Variants in CSMD3 observed in about 807,000 individuals in gnomAD.
CSMD3 encodes the protein CUB and sushi domain-containing protein 3.
CSMD3 carries 177 observed loss-of-function variants against 435.2 expected under a neutral mutation model. That is an observed-to-expected ratio of 0.41 (90% CI 0.36 to 0.46). The LOEUF (loss-of-function observed/expected upper bound fraction) is 0.46, where lower values mean the gene tolerates loss of function less well. CSMD3 is among the 20% of genes least tolerant of loss of function. CSMD3 has a pLI of 0.34. For missense variants in CSMD3, 4,265 were observed against 4,504.6 expected, an observed-to-expected ratio of 0.95 and a Z score of 1.52; for synonymous variants, 1,656 against 1,520.5, an observed-to-expected ratio of 1.09 and a Z score of -2.07.
chr8:113,311,762 G>C (rs1249659948), intron 2 of CSMD3: 1 of 152,034 alleles, frequency 6.6e-6, no homozygotes, highest in African/African-American at 2.4e-5. Context: ...ACTAAAGTCA[G>C]CTATAACATT....
chr8:113,194,073 A>G (rs559058411), intron 3 of CSMD3, among the ~76,000 whole-genome samples: 21 of 151,434 alleles, frequency 1.4e-4, no homozygotes, highest in South Asian at 6.2e-4. Flanking sequence ...TCAGGAACCA[A>G]TTTTCTTTGG....
chr8:112,770,308 T>G (rs962826888), intron 13 of CSMD3, among the ~76,000 whole-genome samples: 1 of 151,860 alleles, frequency 6.6e-6, no homozygotes. Flanking sequence ...GCTCATGAAG[T>G]GGGCTCTTTT....
intron 17 of CSMD3, among the ~76,000 whole-genome samples, chr8:112,661,554 C>T (rs1211256568): frequency 1.3e-5 from 2 of 152,088 alleles, no homozygotes; most frequent in Non-Finnish European, 2.9e-5. Context: ...CTACTTTGAG[C>T]TGAAAGATAC....
At chr8:112,770,727 A>T (rs2078092472) in intron 13 of CSMD3, among the ~76,000 whole-genome samples, 1 of 152,064 alleles carries the variant, frequency 6.6e-6, no homozygotes, top group African/African-American at 2.4e-5. Flanking sequence ...ATACAAAAGC[A>T]TTGCTTATCT....
chr8:113,355,515 G>C lies in CSMD3; in HGVS notation c.179-40722C>G, dbSNP rs74655526. ...GAGATCACCTCTTCTTTTTGTAAGG[G>C]CAATTATATTACCACAAGGTTCCTA... On this transcript the variant is annotated intron_variant, in intron 1 of 70. Transcript: ENST00000297405. 3.1e-3 allele frequency among the ~76,000 whole-genome samples: 468 copies of C among 151,598 alleles called. 16 individuals carry two copies. The East Asian group carries it at 0.061, about 20-fold the overall frequency.
chr8:113,150,562 A>AC lies in CSMD3; in HGVS notation c.709+23159dup, dbSNP rs200981261. 6.7e-3 allele frequency among the ~76,000 whole-genome samples: 1,024 copies of AC among 152,076 alleles called. 44 individuals carry two copies. Among genetic ancestry groups the AC allele is most frequent in the Admixed American group, 0.063 (957 of 15,218 alleles). On this transcript the variant is annotated intron_variant, in intron 4 of 70. Transcript: ENST00000297405. ...AGACCCTGAGCAGAGGATCCAGCTAACCCATGCGCATATTCCTGACCTACA... is the reference window on the plus strand; with the variant it reads ...AGACCCTGAGCAGAGGATCCAGCTAACCCCATGCGCATATTCCTGACCTACA...
intron 1 of CSMD3, among the ~76,000 whole-genome samples, chr8:113,392,524 G>A (rs1245218264): frequency 6.6e-6 from 1 of 151,968 alleles, no homozygotes; most frequent in African/African-American, 2.4e-5. Context: ...TTATAGATGG[G>A]GAAATGAGCA....
intron 30 of CSMD3, among the ~76,000 whole-genome samples, chr8:112,501,920 G>C (rs374008213): frequency 1.2e-4 from 18 of 152,082 alleles, no homozygotes; most frequent in Middle Eastern, 3.4e-3. Context: ...AATTTAAGGG[G>C]CCAAATCAAT....
chr8:112,775,491 T>C (rs1046760258), intron 13 of CSMD3, among the ~76,000 whole-genome samples: 8 of 150,770 alleles, frequency 5.3e-5, no homozygotes, highest in Non-Finnish European at 1.2e-4. Context: ...TTTCGTTTTT[T>C]AGTAAGTCAA....
chr8:113,050,921 A>G lies in CSMD3; in HGVS notation c.918-31742T>C, dbSNP rs73351667. Among the ~76,000 whole-genome samples the G allele has an allele frequency of 2.9e-3, 447 of 152,198 alleles. 3 individuals carry two copies. The highest frequency in any genetic ancestry group is 9.9e-3 in the African/African-American group (413 of 41,562). ...GAATTATATATTCCCATTTTACAGC[A>G]ATTTAAAATTCTGCAAGGATGAAGT... On this transcript the variant is annotated intron_variant, in intron 5 of 70. Coordinates refer to ENST00000297405, the MANE Select transcript of CSMD3 (RefSeq NM_198123.2).
intron 13 of CSMD3, among the ~76,000 whole-genome samples, chr8:112,706,523 C>T (rs1450589893): frequency 6.6e-6 from 1 of 151,926 alleles, no homozygotes; most frequent in Non-Finnish European, 1.5e-5. Flanking sequence ...GTAGAGGTAG[C>T]TCGTGACTTT....
chr8:112,653,921 G>A (rs1246575985), intron 18 of CSMD3, among the ~76,000 whole-genome samples: 1 of 152,048 alleles, frequency 6.6e-6, no homozygotes, highest in African/African-American at 2.4e-5. Flanking sequence ...GCCTCCCAAA[G>A]TGTTGGGATT....
intron 5 of CSMD3, among the ~76,000 whole-genome samples, chr8:113,029,119 C>T (rs937003114): frequency 6.6e-6 from 1 of 151,062 alleles, no homozygotes; most frequent in African/African-American, 2.4e-5. Flanking sequence ...AGAGCCCTTA[C>T]AAATCATTCT....
chr8:112,837,908 G>A (rs2080074571), intron 11 of CSMD3, among the ~76,000 whole-genome samples: 1 of 151,656 alleles, frequency 6.6e-6, no homozygotes. Flanking sequence ...TTAATCTCAA[G>A]GTATGCAAAT....
intron 38 of CSMD3, among the ~76,000 whole-genome samples, chr8:112,376,947 C>A (rs1026323380): frequency 2.6e-5 from 4 of 152,068 alleles, no homozygotes; most frequent in African/African-American, 9.7e-5. Context: ...CAAACACTCA[C>A]CTAATTACAT....
chr8:113,160,650 T>C (rs1018743214), intron 4 of CSMD3, among the ~76,000 whole-genome samples: 3 of 152,002 alleles, frequency 2.0e-5, no homozygotes, highest in African/African-American at 7.2e-5. Flanking sequence ...ACATAACTCA[T>C]GGTATTCATT....
At chr8:112,882,920 CA>C (rs2081487496) in intron 10 of CSMD3, among the ~76,000 whole-genome samples, 1 of 151,864 alleles carries the variant, frequency 6.6e-6, no homozygotes, top group Admixed American at 6.6e-5. Flanking sequence ...TCAGATCTCT[CA>C]AAATTCTAAA....
At chr8:113,020,169 C>CAAAAA (rs1163891165) in intron 5 of CSMD3, among the ~76,000 whole-genome samples, 10 of 84,628 alleles carry the variant, frequency 1.2e-4, no homozygotes, top group Non-Finnish European at 1.6e-4. Context: ...GACTCCGTCT[C>CAAAAA]AAAAAAAAAA....
chr8:112,291,501 T>C lies in CSMD3; in HGVS notation c.8974+9A>G. ...TGTTCTCAAGAAACAATTCACATTATCTACTTACTGATACATTCTGGTAAA... is the reference window on the plus strand; with the variant it reads ...TGTTCTCAAGAAACAATTCACATTACCTACTTACTGATACATTCTGGTAAA... On this transcript the variant is annotated intron_variant, in intron 56 of 70. Transcript: ENST00000297405. The C allele has an allele frequency of 6.4e-7, 1 of 1,572,958 alleles. No individual in the cohort carries two copies. The highest frequency in any genetic ancestry group is 1.1e-5 in the South Asian group (1 of 90,232).
Sources: gnomAD v4.1 joint callset for allele counts (sites outside exome capture counted in the v4.1 genomes callset) on GRCh38, gnomAD v4.1.1 for gene constraint, MANE v1.5 for transcripts, NCBI Gene and HGNC (gene_info 2026-07-23, HGNC 2026-07-21) for gene names.